GRIA2: variants seen among roughly 807,000 people sequenced by gnomAD.
GRIA2 encodes glutamate ionotropic receptor AMPA type subunit 2, also known as glutamate receptor 2.
In GRIA2, 14 loss-of-function variants were observed where a neutral mutation model predicts 97.3. The ratio of observed to expected loss-of-function variants is 0.14; its 90% CI spans 0.10 to 0.23. The LOEUF is 0.23. Among genes scored for constraint, GRIA2 ranks in the 10% least tolerant of loss-of-function variants. The pLI is 1.00. For synonymous variants in GRIA2, 412 were observed against 387.8 expected (o/e 1.06, Z -0.73); for missense variants, 558 against 1,069.8 (o/e 0.52, Z 6.67).
chr4:157,354,692 G>A (rs62332461), intron 12 of GRIA2, among the ~76,000 whole-genome samples: 11,431 of 152,192 alleles, frequency 0.075, 574 homozygotes, highest in South Asian at 0.12. Flanking sequence ...GAAACTACCA[G>A]TTATAGCAGC....
At chr4:157,248,520 T>G (rs2126733215) in intron 2 of GRIA2, among the ~76,000 whole-genome samples, 1 of 78,824 alleles carries the variant, frequency 1.3e-5, no homozygotes, top group South Asian at 5.4e-4. Context: ...TGAGCCTATA[T>G]ATATATGTGT....
At chr4:157,228,847 C>CAA (rs532240155) in intron 2 of GRIA2, among the ~76,000 whole-genome samples, 4 of 139,204 alleles carry the variant, frequency 2.9e-5, no homozygotes, top group Non-Finnish European at 4.7e-5. Context: ...CTCCCCCCAC[C>CAA]AAAAAAAAAC....
rs528913004 is a variant in GRIA2 at position 157,252,169 on chromosome 4, C to A, written c.229+30362C>A. Among the ~76,000 whole-genome samples, 12 of 152,148 alleles carry A rather than the reference C, an allele frequency of 7.9e-5. No homozygotes were observed. In the South Asian group the frequency reaches 2.5e-3, roughly 32 times the overall value. ...TATTGAATCTCAACCCTTAAGTAGACATATTTTTGTATTCTGCAAAACCAA... is the reference window on the plus strand; with the variant it reads ...TATTGAATCTCAACCCTTAAGTAGAAATATTTTTGTATTCTGCAAAACCAA... On this transcript the variant is annotated intron_variant, in intron 2 of 15. Transcript: ENST00000264426.
intron 2 of GRIA2, among the ~76,000 whole-genome samples, chr4:157,269,740 C>G (rs984152139): frequency 6.6e-6 from 1 of 152,044 alleles, no homozygotes; most frequent in Admixed American, 6.6e-5. Context: ...TTTTGGAAGA[C>G]AGTTATGGAC....
At chr4:157,342,373 T>C (rs1437032461) in intron 12 of GRIA2, 1 of 984,972 alleles carries the variant, frequency 1.0e-6, no homozygotes, top group Non-Finnish European at 1.2e-6. Context: ...GAAGATACTA[T>C]GGGAGAAAGG....
At chr4:157,255,701 G>T (rs1375498898) in intron 2 of GRIA2, among the ~76,000 whole-genome samples, 1 of 151,804 alleles carries the variant, frequency 6.6e-6, no homozygotes, top group East Asian at 1.9e-4. Context: ...CTGCAGAATG[G>T]GAGAAAATAT....
At chr4:157,340,175 A>G (rs547455901) in intron 11 of GRIA2, among the ~76,000 whole-genome samples, 1 of 151,944 alleles carries the variant, frequency 6.6e-6, no homozygotes, top group African/African-American at 2.4e-5. Context: ...CTTACTGTTA[A>G]TTGTCAGAAA....
At chr4:157,303,244 T>C (rs1183245390) in intron 2 of GRIA2, among the ~76,000 whole-genome samples, 1 of 152,014 alleles carries the variant, frequency 6.6e-6, no homozygotes, top group Non-Finnish European at 1.5e-5. Context: ...TTATAGCTAA[T>C]TTTTTTTACC....
chr4:157,329,840 C>G (rs1371432502), intron 6 of GRIA2, among the ~76,000 whole-genome samples: 1 of 151,896 alleles, frequency 6.6e-6, no homozygotes, highest in African/African-American at 2.4e-5. Flanking sequence ...TCCTGGGACT[C>G]AAGACTTTTC....
rs1736571773 is a variant in GRIA2 at position 157,360,162 on chromosome 4, C to T, written c.2291+19C>T. On this transcript the variant is annotated intron_variant, in intron 13 of 15. Coordinates refer to ENST00000264426, the MANE Select transcript of GRIA2 (RefSeq NM_001083619.3). ...CATTAAGGTGGGTGGAATAGTATAA[C>T]AATATGCTAAATGTTGTTATAGTAT... is the stretch of plus-strand genomic sequence containing the variant. The T allele has an allele frequency of 6.2e-7, 1 of 1,610,064 alleles. No individual in the cohort carries two copies. The highest frequency in any genetic ancestry group is 8.5e-7 in the Non-Finnish European group (1 of 1,176,950).
chr4:157,357,135 C>G (rs1018893290), intron 12 of GRIA2, among the ~76,000 whole-genome samples: 1 of 152,102 alleles, frequency 6.6e-6, no homozygotes, highest in African/African-American at 2.4e-5. Context: ...TAGTCTAAGA[C>G]TCTTTCTGAT....
chr4:157,273,010 C>T (rs1246446584), intron 2 of GRIA2, among the ~76,000 whole-genome samples: 1 of 151,878 alleles, frequency 6.6e-6, no homozygotes, highest in African/African-American at 2.4e-5. Flanking sequence ...ATGGATTCAA[C>T]CAACTACAGA....
intron 2 of GRIA2, among the ~76,000 whole-genome samples, chr4:157,230,527 CTTCCTTCCTTCT>C (rs918456153): frequency 7.6e-5 from 8 of 104,658 alleles, no homozygotes; most frequent in Non-Finnish European, 1.5e-4. Flanking sequence ...TCCTTCCTTT[CTTCCTTCCTTCT>C]TTCCTTCCTT....
intron 2 of GRIA2, among the ~76,000 whole-genome samples, chr4:157,274,913 T>C (rs1023287370): frequency 2.7e-5 from 4 of 150,718 alleles, no homozygotes; most frequent in African/African-American, 9.7e-5. Context: ...AAATGGTATT[T>C]CTAGTTCTAG....
intron 2 of GRIA2, among the ~76,000 whole-genome samples, chr4:157,232,218 G>A (rs1422463018): frequency 3.3e-5 from 5 of 152,186 alleles, no homozygotes. Flanking sequence ...GGCTGCCTGT[G>A]TTCACTGATC....
chr4:157,298,224 A>G (rs1454945529), intron 2 of GRIA2, among the ~76,000 whole-genome samples: 2 of 152,116 alleles, frequency 1.3e-5, no homozygotes, highest in African/African-American at 4.8e-5. Context: ...CTTAAGAAGT[A>G]CTGTTATGGA....
chr4:157,304,521 C>T (rs1329917020), intron 3 of GRIA2, among the ~76,000 whole-genome samples: 3 of 152,134 alleles, frequency 2.0e-5, no homozygotes, highest in Non-Finnish European at 4.4e-5. Flanking sequence ...TAACCATTCC[C>T]AGGTCCGTAA....
chr4:157,330,225 G>A (rs1734989974), intron 6 of GRIA2, among the ~76,000 whole-genome samples: 1 of 151,922 alleles, frequency 6.6e-6, no homozygotes, highest in Non-Finnish European at 1.5e-5. Context: ...CAACAGAACA[G>A]TAAATAATAA....
At chr4:157,237,067 A>C (rs1730284335) in intron 2 of GRIA2, among the ~76,000 whole-genome samples, 1 of 152,276 alleles carries the variant, frequency 6.6e-6, no homozygotes, top group Middle Eastern at 3.4e-3. Context: ...TGCCTTGCTC[A>C]GAAAAACATT....
Sources: gnomAD v4.1 joint callset for allele counts (sites outside exome capture counted in the v4.1 genomes callset) on GRCh38, gnomAD v4.1.1 for gene constraint, MANE v1.5 for transcripts, NCBI Gene and HGNC (gene_info 2026-07-23, HGNC 2026-07-21) for gene names.